The following VSTM4 variants were observed in gnomAD, a reference collection of about 807,000 sequenced individuals.
VSTM4 encodes V-set and transmembrane domain containing 4, also known as V-set and transmembrane domain-containing protein 4.
A neutral mutation model predicts 36.4 loss-of-function variants in VSTM4; 20 were observed. That is an observed-to-expected ratio of 0.55 (90% CI 0.39 to 0.80). The LOEUF (loss-of-function observed/expected upper bound fraction) is 0.80. Ranked by LOEUF, VSTM4 falls within the 30% of genes least tolerant of loss-of-function variation. VSTM4 has a pLI of 0.00. For synonymous variants in VSTM4, 182 were observed against 173.9 expected (o/e 1.05, Z -0.37); for missense variants, 392 against 404.5 (o/e 0.97, Z 0.26).
At chr10:49,092,700 G>A (rs1291269317) in intron 2 of VSTM4, among the ~76,000 whole-genome samples, 1 of 152,112 alleles carries the variant, frequency 6.6e-6, no homozygotes, top group African/African-American at 2.4e-5. Context: ...CATTTCCCAA[G>A]ACCACTCTGG....
chr10:49,108,404 A>G (rs910667291), intron 1 of VSTM4, among the ~76,000 whole-genome samples: 9 of 152,100 alleles, frequency 5.9e-5, no homozygotes, highest in African/African-American at 1.9e-4. Flanking sequence ...CCCCTCCCCA[A>G]GGCCTACTTT....
intron 7 of VSTM4, among the ~76,000 whole-genome samples, chr10:49,021,047 T>C (rs1333513072): frequency 6.6e-6 from 1 of 152,164 alleles, no homozygotes; most frequent in Non-Finnish European, 1.5e-5. Context: ...AAAACAATTT[T>C]TGAATGAAGT....
In VSTM4 at chr10:49,064,788, A is replaced by G. The variant is rs1446774119; in HGVS notation, c.635-52T>C. Reference sequence around the variant, plus strand: ...GGTAAACCAATGCTACTTCAGATATATATGCTCCAGGAATTACAAGGAAAT... The same window carrying G: ...GGTAAACCAATGCTACTTCAGATATGTATGCTCCAGGAATTACAAGGAAAT... On this transcript the variant is annotated intron_variant, in intron 4 of 7. Transcript: ENST00000332853. The G allele has an allele frequency of 3.2e-6, 5 of 1,576,390 alleles. No individual in the cohort carries two copies. In the Admixed American group the frequency reaches 9.1e-5, roughly 29 times the overall value.
chr10:49,096,453 T>TA (rs1309760235), intron 2 of VSTM4, among the ~76,000 whole-genome samples: 5 of 152,156 alleles, frequency 3.3e-5, no homozygotes, highest in Non-Finnish European at 7.4e-5. Context: ...TAGAGTGAAT[T>TA]ACGATTAAAC....
intron 7 of VSTM4, among the ~76,000 whole-genome samples, chr10:49,023,953 C>A (rs1003629831): frequency 1.3e-5 from 2 of 152,102 alleles, no homozygotes; most frequent in Non-Finnish European, 2.9e-5. Context: ...AGACCCGGAC[C>A]GAGTTTTACA....
At chr10:49,030,634 G>A (rs1226325838) in intron 7 of VSTM4, among the ~76,000 whole-genome samples, 1 of 152,184 alleles carries the variant, frequency 6.6e-6, no homozygotes, top group African/African-American at 2.4e-5. Flanking sequence ...CAGAAATCAT[G>A]AGCAGAGCAA....
intron 1 of VSTM4, among the ~76,000 whole-genome samples, chr10:49,108,237 C>T (rs1021218210): frequency 6.6e-6 from 1 of 152,216 alleles, no homozygotes; most frequent in African/African-American, 2.4e-5. Flanking sequence ...AAACAATGAC[C>T]TCCTGACCCA....
At position 49,077,338 on chromosome 10, in the gene VSTM4, G is replaced by A. The variant is rs772313875; in HGVS notation, c.527-12C>T. ...ATACACATAGAGATCTGAAAGGCAA[G>A]GACAGACACGTGAGTCAGCCTTCTG... On this transcript the variant is annotated splice_polypyrimidine_tract_variant and intron_variant, in intron 3 of 7. Transcript: ENST00000332853. 3 of 1,613,684 alleles carry A rather than the reference G, an allele frequency of 1.9e-6. No homozygotes were observed. Among genetic ancestry groups the A allele is most frequent in the African/African-American group, 1.3e-5 (1 of 74,924 alleles).
intron 2 of VSTM4, chr10:49,102,907 G>T: frequency 3.7e-6 from 1 of 271,914 alleles, no homozygotes; most frequent in Non-Finnish European, 5.6e-6. Context: ...AACACACCCA[G>T]AAATAATGTT....
At chr10:49,102,039 C>G (rs1198812188) in intron 2 of VSTM4, 1 of 151,960 alleles carries the variant, frequency 6.6e-6, no homozygotes, top group African/African-American at 2.4e-5. Flanking sequence ...AGATCTAAAC[C>G]AAATTATTGA....
At chr10:49,020,360 TCAAG>T (rs1843163109) in intron 7 of VSTM4, among the ~76,000 whole-genome samples, 1 of 151,370 alleles carries the variant, frequency 6.6e-6, no homozygotes, top group African/African-American at 2.4e-5. Context: ...GGCCTCCAAC[TCAAG>T]CAGTTAGAAA....
intron 7 of VSTM4, among the ~76,000 whole-genome samples, chr10:49,029,973 C>G (rs1227041165): frequency 6.6e-6 from 1 of 152,180 alleles, no homozygotes; most frequent in Non-Finnish European, 1.5e-5. Flanking sequence ...CCCCGCACCC[C>G]TCTCTACAGC....
intron 6 of VSTM4, among the ~76,000 whole-genome samples, chr10:49,047,948 C>T (rs751007415): frequency 4.9e-4 from 75 of 152,186 alleles, no homozygotes; most frequent in Admixed American, 4.5e-3. Flanking sequence ...CTAATACTCT[C>T]GCAGTTCTTT....
intron 1 of VSTM4, among the ~76,000 whole-genome samples, chr10:49,109,330 G>A (rs1358654905): frequency 6.6e-6 from 1 of 152,216 alleles, no homozygotes; most frequent in African/African-American, 2.4e-5. Context: ...CAAGGAGGCT[G>A]TGGAGCAGCA....
At position 49,016,058 on chromosome 10, in the gene VSTM4, G is replaced by A. The variant is rs1315559907; in HGVS notation, c.*3592C>T. The A allele has an allele frequency of 6.6e-6, 1 of 152,218 alleles. No homozygotes were observed. Among genetic ancestry groups the A allele is most frequent in the Non-Finnish European group, 1.5e-5 (1 of 68,058 alleles). The allele number at this position is 152,218 out of a possible 1,614,324, so 9.4% of individuals were successfully genotyped here. A position where few individuals can be genotyped will look rare whatever the true frequency, so the allele number is the denominator to read the frequency against. The stretch of plus-strand genomic sequence containing the variant: ...GACACACGGTGCAGCAGGAGCTCAG[G>A]GGCTGCAATGCAGCCACTGGGTGTG... On this transcript the variant is annotated 3_prime_UTR_variant, in exon 8 of 8. Transcript: ENST00000332853.
At chr10:49,087,444 A>T (rs1844388966) in intron 2 of VSTM4, among the ~76,000 whole-genome samples, 1 of 152,198 alleles carries the variant, frequency 6.6e-6, no homozygotes, top group Admixed American at 6.5e-5. Flanking sequence ...CAGACATTGT[A>T]TATAGAAAAT....
At chr10:49,075,812 T>A (rs1744142012) in intron 4 of VSTM4, among the ~76,000 whole-genome samples, 1 of 152,248 alleles carries the variant, frequency 6.6e-6, no homozygotes, top group African/African-American at 2.4e-5. Flanking sequence ...GGCACCTTCC[T>A]GTTCCTGACC....
intron 7 of VSTM4, among the ~76,000 whole-genome samples, chr10:49,046,070 G>A (rs902163636): frequency 6.6e-6 from 1 of 152,166 alleles, no homozygotes; most frequent in Non-Finnish European, 1.5e-5. Flanking sequence ...CATGTAAGAT[G>A]TGCCTGCTTC....
intron 3 of VSTM4, among the ~76,000 whole-genome samples, chr10:49,083,638 C>G (rs1844318660): frequency 6.6e-6 from 1 of 152,208 alleles, no homozygotes; most frequent in African/African-American, 2.4e-5. Context: ...GAAGAGAGCA[C>G]ATACTGGGCT....
Sources: allele counts gnomAD v4.1 joint callset (sites outside exome capture counted in the v4.1 genomes callset), GRCh38; gene constraint gnomAD v4.1.1; transcripts MANE v1.5; gene names NCBI Gene and HGNC (gene_info 2026-07-23, HGNC 2026-07-21).